Variants in TPRG1 observed in about 807,000 individuals in gnomAD.
TPRG1 encodes the protein tumor protein p63 regulated 1, also known as tumor protein p63-regulated gene 1 protein.
In TPRG1, 29 loss-of-function variants were observed where a neutral mutation model predicts 29.3. That is an observed-to-expected ratio of 0.99 (90% CI 0.74 to 1.35). The LOEUF (loss-of-function observed/expected upper bound fraction) is 1.35, where lower values mean the gene tolerates loss of function less well. TPRG1 is among the 40% of genes most tolerant of loss of function. The pLI is 0.00. For synonymous variants in TPRG1, 130 were observed against 116.8 expected (o/e 1.11, Z -0.73); for missense variants, 327 against 335.0 (o/e 0.98, Z 0.19).
intron 3 of TPRG1, among the ~76,000 whole-genome samples, chr3:189,007,612 G>A (rs1712361842): frequency 6.6e-6 from 1 of 150,844 alleles, no homozygotes. Flanking sequence ...GTTTATTGTG[G>A]CATTATTCAC....
chr3:189,167,396 G>T (rs1167356024), upstream of TPRG1, among the ~76,000 whole-genome samples: 1 of 152,156 alleles, frequency 6.6e-6, no homozygotes, highest in African/African-American at 2.4e-5. Context: ...TGCCTTATGG[G>T]GAGCCCTTCT....
chr3:189,287,892 C>G (rs979766949), intron 4 of TPRG1, among the ~76,000 whole-genome samples: 1 of 151,606 alleles, frequency 6.6e-6, no homozygotes, highest in African/African-American at 2.4e-5. Flanking sequence ...TGGGAATTTG[C>G]GAAAAGATTG....
At chr3:189,170,126 A>C (rs1728638562), upstream of TPRG1, among the ~76,000 whole-genome samples, 1 of 152,172 alleles carries the variant, frequency 6.6e-6, no homozygotes, top group South Asian at 2.1e-4. Flanking sequence ...CCAGGCTGGG[A>C]TCCAGCATGT....
chr3:189,097,100 A>G (rs1718729697), upstream of TPRG1, among the ~76,000 whole-genome samples: 1 of 152,216 alleles, frequency 6.6e-6, no homozygotes, highest in African/African-American at 2.4e-5. Flanking sequence ...TCTGGGAAAT[A>G]TTGGTTCACT....
At chr3:189,004,794 G>A (rs1229750376) in intron 3 of TPRG1, 1 of 152,022 alleles carries the variant, frequency 6.6e-6, no homozygotes, top group African/African-American at 2.4e-5. Flanking sequence ...TCTAGATCTG[G>A]GGATTTAACC....
At chr3:189,158,783 A>G (rs1318894277) in intron 5 of TPRG1, among the ~76,000 whole-genome samples, 1 of 151,864 alleles carries the variant, frequency 6.6e-6, no homozygotes, top group Non-Finnish European at 1.5e-5. Flanking sequence ...TTCACTTCCT[A>G]GCTCTGCCGT....
intron 3 of TPRG1, among the ~76,000 whole-genome samples, chr3:189,017,836 A>C (rs1025504753): frequency 2.0e-5 from 3 of 152,146 alleles, no homozygotes; most frequent in African/African-American, 7.2e-5. Flanking sequence ...ACTAGTTTAC[A>C]GTCCCACCAA....
intron 4 of TPRG1, among the ~76,000 whole-genome samples, chr3:189,272,682 C>CCTTTCTTTCTTTCTCTTT: frequency 7.1e-6 from 1 of 140,120 alleles, no homozygotes; most frequent in South Asian, 2.2e-4. Flanking sequence ...TCCTTTCTTT[C>CCTTTCTTTCTTTCTCTTT]CTTTCTTTCT....
chr3:189,316,713 C>T (rs1723593530), intron 5 of TPRG1, among the ~76,000 whole-genome samples: 1 of 152,138 alleles, frequency 6.6e-6, no homozygotes, highest in African/African-American at 2.4e-5. Context: ...ACACACAGCC[C>T]CTGTGTAACT....
chr3:189,309,120 A>C (rs1265859754), intron 4 of TPRG1, among the ~76,000 whole-genome samples: 1 of 151,114 alleles, frequency 6.6e-6, no homozygotes, highest in Non-Finnish European at 1.5e-5. Flanking sequence ...GTACAAAAAA[A>C]AGTTGGGTGT....
intron 1 of TPRG1, among the ~76,000 whole-genome samples, chr3:189,122,220 A>C (rs1172749481): frequency 6.6e-6 from 1 of 152,130 alleles, no homozygotes; most frequent in Non-Finnish European, 1.5e-5. Flanking sequence ...CTTTTTAAAG[A>C]TATTTCTCAT....
chr3:189,309,039 C>T (rs766691508), intron 4 of TPRG1, among the ~76,000 whole-genome samples: 1 of 34,404 alleles, frequency 2.9e-5, no homozygotes, highest in Non-Finnish European at 6.1e-5. Context: ...CTTTTTTTTC[C>T]TAACTCTGTC....
chr3:189,231,606 A>G (rs747728140), intron 3 of TPRG1, among the ~76,000 whole-genome samples: 5 of 152,150 alleles, frequency 3.3e-5, no homozygotes, highest in African/African-American at 4.8e-5. Flanking sequence ...TGAGGAATAC[A>G]CTATTATTAT....
At chr3:189,047,784 TC>T (rs375081408) in intron 4 of TPRG1, among the ~76,000 whole-genome samples, 38 of 152,340 alleles carry the variant, frequency 2.5e-4, no homozygotes, top group South Asian at 2.1e-3. Context: ...TCTTTGCTTC[TC>T]CGTAAGAAGT....
intron 4 of TPRG1, among the ~76,000 whole-genome samples, chr3:189,250,856 C>G (rs149493916): frequency 5.9e-5 from 9 of 151,752 alleles, no homozygotes; most frequent in African/African-American, 1.4e-4. Flanking sequence ...GCTGTTTGAC[C>G]TTCAACACCC....
intron 4 of TPRG1, among the ~76,000 whole-genome samples, chr3:189,239,612 G>A (rs1474383669): frequency 6.6e-6 from 1 of 152,174 alleles, no homozygotes; most frequent in Non-Finnish European, 1.5e-5. Context: ...TTAATATTGG[G>A]CAGGAGTTAG....
chr3:189,012,132 C>T (rs1386844671), intron 3 of TPRG1, among the ~76,000 whole-genome samples: 1 of 152,294 alleles, frequency 6.6e-6, no homozygotes, highest in East Asian at 1.9e-4. Flanking sequence ...ATTTCTTTCT[C>T]TTGGCTGATT....
chr3:189,185,015 C>T (rs534214654), intron 1 of TPRG1, among the ~76,000 whole-genome samples: 199 of 152,216 alleles, frequency 1.3e-3, no homozygotes, highest in South Asian at 3.7e-3. Flanking sequence ...TTAGGCAAAG[C>T]CTGTTAAGGA....
At chr3:189,011,491 G>T (rs750383604) in intron 3 of TPRG1, among the ~76,000 whole-genome samples, 1 of 152,178 alleles carries the variant, frequency 6.6e-6, no homozygotes, top group African/African-American at 2.4e-5. Flanking sequence ...TGTGGCTAGG[G>T]ATGCCTCTCA....
Sources: allele counts gnomAD v4.1 joint callset (sites outside exome capture counted in the v4.1 genomes callset), GRCh38; gene constraint gnomAD v4.1.1; transcripts MANE v1.5; gene names NCBI Gene and HGNC (gene_info 2026-07-23, HGNC 2026-07-21).